Variants in IFT56 observed in about 807,000 individuals in gnomAD.
IFT56 encodes the protein intraflagellar transport 56.
chr7:139,176,376 A>G, the IFT56 span, among the ~76,000 whole-genome samples: 3 of 152,148 alleles, frequency 2.0e-5, no homozygotes, highest in Non-Finnish European at 2.9e-5. Flanking sequence ...AATAAAGTAG[A>G]TTAATAAAAA....
chr7:139,147,267 T>C, the IFT56 span: 3 of 1,612,472 alleles, frequency 1.9e-6, no homozygotes, highest in Non-Finnish European at 2.5e-6. Flanking sequence ...TAGATATATA[T>C]AAGCGAATAC....
chr7:139,168,470 A>C, the IFT56 span: 2 of 1,157,538 alleles, frequency 1.7e-6, no homozygotes, highest in Non-Finnish European at 1.3e-6. Flanking sequence ...AATGACTATC[A>C]AAGTGCAAGC....
At chr7:139,180,235 G>A in the IFT56 span, among the ~76,000 whole-genome samples, 1 of 152,160 alleles carries the variant, frequency 6.6e-6, no homozygotes, top group Non-Finnish European at 1.5e-5. Context: ...TGCTCGGGAG[G>A]CTGAGATAGG....
chr7:139,190,959 G>A, the IFT56 span: 3 of 152,228 alleles, frequency 2.0e-5, no homozygotes, highest in Non-Finnish European at 4.4e-5. Context: ...CACTGTATTA[G>A]TTGTTCCATT....
chr7:139,158,331 A>G, the IFT56 span, among the ~76,000 whole-genome samples: 8 of 151,344 alleles, frequency 5.3e-5, no homozygotes, highest in Admixed American at 1.3e-4. Context: ...AAAAACCAAC[A>G]AAGTAAAAAA....
At chr7:139,138,487 T>G in the IFT56 span, among the ~76,000 whole-genome samples, 1 of 152,206 alleles carries the variant, frequency 6.6e-6, no homozygotes, top group Non-Finnish European at 1.5e-5. Flanking sequence ...ACATATCCCC[T>G]GTGGATAAAG....
At chr7:139,185,053 C>CAA in the IFT56 span, among the ~76,000 whole-genome samples, 2,075 of 111,500 alleles carry the variant, frequency 0.019, 43 homozygotes, top group Middle Eastern at 0.044. Context: ...GACTCCATCT[C>CAA]AAAAAAAAAA....
At chr7:139,189,263 T>C in the IFT56 span, 34 of 1,318,680 alleles carry the variant, frequency 2.6e-5, no homozygotes, top group Non-Finnish European at 3.2e-5. Context: ...GAGTTTATTT[T>C]ATTTTTTAAT....
the IFT56 span, among the ~76,000 whole-genome samples, chr7:139,141,478 G>GAAA: frequency 1.1e-4 from 16 of 152,136 alleles, no homozygotes; most frequent in South Asian, 3.1e-3. Flanking sequence ...TACTAATGTA[G>GAAA]TTTTTCCTAA....
At chr7:139,178,024 G>T in the IFT56 span, among the ~76,000 whole-genome samples, 4 of 151,978 alleles carry the variant, frequency 2.6e-5, no homozygotes, top group African/African-American at 9.7e-5. Flanking sequence ...AGAGATTATT[G>T]GTCACTCTCA....
the IFT56 span, among the ~76,000 whole-genome samples, chr7:139,147,555 T>C: frequency 6.6e-6 from 1 of 152,224 alleles, no homozygotes; most frequent in African/African-American, 2.4e-5. Flanking sequence ...TATTAATATA[T>C]ATCCATATAT....
the IFT56 span, chr7:139,189,841 T>G: frequency 6.5e-6 from 1 of 153,368 alleles, no homozygotes; most frequent in Non-Finnish European, 1.5e-5. Context: ...GGCGTCTCTG[T>G]ACGTTATCCC....
At chr7:139,166,695 C>G in the IFT56 span, 1 of 473,850 alleles carries the variant, frequency 2.1e-6, no homozygotes, top group Non-Finnish European at 3.9e-6. Context: ...CTACTCAACA[C>G]CGAACATGGA....
the IFT56 span, among the ~76,000 whole-genome samples, chr7:139,171,941 T>A: frequency 3.9e-5 from 6 of 152,282 alleles, no homozygotes; most frequent in South Asian, 1.0e-3. Flanking sequence ...ATGCTTTCTT[T>A]AGATCACCAA....
At chr7:139,151,912 T>A in the IFT56 span, among the ~76,000 whole-genome samples, 1 of 152,028 alleles carries the variant, frequency 6.6e-6, no homozygotes, top group East Asian at 1.9e-4. Flanking sequence ...AAATACAAAA[T>A]TAGCTGGGCA....
chr7:139,185,287 A>G, the IFT56 span, among the ~76,000 whole-genome samples: 1 of 152,048 alleles, frequency 6.6e-6, no homozygotes, highest in Non-Finnish European at 1.5e-5. Context: ...CAGGACCATC[A>G]TCAACATACA....
chr7:139,179,474 A>G, the IFT56 span: 1,136 of 913,200 alleles, frequency 1.2e-3, 19 homozygotes, highest in South Asian at 0.016. Flanking sequence ...TGGGCTGTCT[A>G]TAATGCTACA....
chr7:139,140,997 A>G, the IFT56 span, among the ~76,000 whole-genome samples: 2 of 149,480 alleles, frequency 1.3e-5, no homozygotes, highest in Non-Finnish European at 3.0e-5. Flanking sequence ...GCAGTGGCTC[A>G]TGCCTGTAAT....
chr7:139,139,078 C>A, the IFT56 span, among the ~76,000 whole-genome samples: 14 of 152,306 alleles, frequency 9.2e-5, no homozygotes, highest in African/African-American at 3.1e-4. Context: ...TCCCAAAGTG[C>A]TGGGATTACA....
Sources: gnomAD v4.1 joint callset for allele counts (sites outside exome capture counted in the v4.1 genomes callset) on GRCh38, gnomAD v4.1.1 for gene constraint, MANE v1.5 for transcripts, NCBI Gene and HGNC (gene_info 2026-07-23, HGNC 2026-07-21) for gene names.